RIMS2: variants seen among roughly 807,000 people sequenced by gnomAD.
RIMS2 encodes regulating synaptic membrane exocytosis protein 2.
In RIMS2, 59 loss-of-function variants were observed where a neutral mutation model predicts 174.4. The observed-to-expected ratio is 0.34, with a 90% confidence interval of 0.27 to 0.42. The LOEUF (loss-of-function observed/expected upper bound fraction) is 0.42. RIMS2 is among the 10% of genes least tolerant of loss of function. The pLI is 1.00. For synonymous variants in RIMS2, 606 were observed against 572.5 expected (o/e 1.06, Z -0.84); for missense variants, 1,620 against 1,666.3 (o/e 0.97, Z 0.48).
chr8:103,581,079 A>G (rs2093592608), intron 1 of RIMS2, among the ~76,000 whole-genome samples: 2 of 151,906 alleles, frequency 1.3e-5, no homozygotes. Context: ...CGGCCTCCCA[A>G]AGTTCTGGGA....
chr8:104,148,858 T>A lies in RIMS2; in HGVS notation c.3335-96058T>A. 1 of 1,594,496 alleles carries A rather than the reference T, an allele frequency of 6.3e-7. No homozygotes were observed. Among genetic ancestry groups the A allele is most frequent in the Non-Finnish European group, 8.5e-7 (1 of 1,176,844 alleles). ...CAGCTCAGCCAAACGGGTAGGAATT[T>A]CAATGTTACTTTTAACTTGATATTT... On this transcript the variant is annotated intron_variant, in intron 19 of 23. Coordinates refer to ENST00000504942, the Ensembl canonical transcript of RIMS2.
At chr8:103,709,845 G>A (rs1192226084) in intron 2 of RIMS2, among the ~76,000 whole-genome samples, 1 of 151,848 alleles carries the variant, frequency 6.6e-6, no homozygotes, top group Non-Finnish European at 1.5e-5. Context: ...TGATAGGGAT[G>A]GTTTATGGAA....
intron 19 of RIMS2, among the ~76,000 whole-genome samples, chr8:104,113,679 C>CAT (rs904874300): frequency 2.6e-5 from 4 of 151,540 alleles, no homozygotes; most frequent in African/African-American, 7.3e-5. Flanking sequence ...GGATTACATA[C>CAT]ATATATATAT....
In RIMS2 at chr8:103,790,003, C is replaced by A. The variant is rs60165474; in HGVS notation, c.698+23466C>A. ...TCTCAAACTCCTGAGCTCAAGTGATCCTCCTGCCTTGGCTTCCCAAAGTGG... is the reference window on the plus strand; with the variant it reads ...TCTCAAACTCCTGAGCTCAAGTGATACTCCTGCCTTGGCTTCCCAAAGTGG... On this transcript the variant is annotated intron_variant, in intron 3 of 23. Transcript: ENST00000504942. Among the ~76,000 whole-genome samples, 165 of 152,278 alleles carry A rather than the reference C, an allele frequency of 1.1e-3. 2 individuals carry two copies. The East Asian group carries it at 0.028, about 25-fold the overall frequency.
Position 104,057,966 on chromosome 8 carries a change from C to T in RIMS2, c.3334+43351C>T, listed in dbSNP as rs545925360. On this transcript the variant is annotated intron_variant, in intron 19 of 23. Coordinates refer to ENST00000504942, the Ensembl canonical transcript of RIMS2. ...GCCACATTTTTTTAATCCAGTCTAT[C>T]GTTGTTGGACATTTGGGTTGGTTCC... Among the ~76,000 whole-genome samples, 27 of 152,092 alleles carry T rather than the reference C, an allele frequency of 1.8e-4. No homozygotes were observed. In the South Asian group the frequency reaches 4.4e-3, roughly 25 times the overall value.
At chr8:103,782,432 C>CTGTGTG (rs2098400543) in intron 3 of RIMS2, among the ~76,000 whole-genome samples, 2 of 129,170 alleles carry the variant, frequency 1.5e-5, no homozygotes, top group African/African-American at 6.4e-5. Flanking sequence ...TACATAAATC[C>CTGTGTG]CGTGTGTGTG....
intron 2 of RIMS2, among the ~76,000 whole-genome samples, chr8:103,760,633 G>A (rs2098100694): frequency 6.6e-6 from 1 of 152,194 alleles, no homozygotes; most frequent in Admixed American, 6.5e-5. Flanking sequence ...ACCTATTGTA[G>A]ATCTCTGCAT....
Position 103,528,974 on chromosome 8 carries a change from A to G in RIMS2, c.176+27912A>G, listed in dbSNP as rs182688583. Among the ~76,000 whole-genome samples, 14 of 152,290 alleles carry G rather than the reference A, an allele frequency of 9.2e-5. No individual in the cohort carries two copies. The East Asian group carries it at 1.4e-3, about 15-fold the overall frequency. On this transcript the variant is annotated intron_variant, in intron 1 of 23. Transcript: ENST00000504942. ...GGGGATGGCATTGAATCTATAAATT[A>G]CCTTGGGCAGTATGGCCAGTTTCAC...
At chr8:104,091,905 T>C (rs1395293849) in intron 19 of RIMS2, among the ~76,000 whole-genome samples, 1 of 151,692 alleles carries the variant, frequency 6.6e-6, no homozygotes, top group Non-Finnish European at 1.5e-5. Flanking sequence ...GCAGCAATTT[T>C]TAGAAGAATT....
intron 1 of RIMS2, among the ~76,000 whole-genome samples, chr8:103,682,656 C>T (rs2096894286): frequency 6.6e-6 from 1 of 152,046 alleles, no homozygotes; most frequent in Non-Finnish European, 1.5e-5. Flanking sequence ...GCCCATATAC[C>T]ACCACCTCTT....
intron 3 of RIMS2, among the ~76,000 whole-genome samples, chr8:103,827,980 C>T (rs1202109311): frequency 6.6e-6 from 1 of 151,586 alleles, no homozygotes; most frequent in African/African-American, 2.4e-5. Flanking sequence ...TTCCTGATTC[C>T]ATAATAATGC....
At chr8:104,140,712 C>T (rs1312790370) in intron 19 of RIMS2, among the ~76,000 whole-genome samples, 1 of 152,186 alleles carries the variant, frequency 6.6e-6, no homozygotes, top group East Asian at 1.9e-4. Flanking sequence ...TCAGCCCCCA[C>T]TTGCTGCCTT....
At chr8:104,142,510 T>C (rs572781518) in intron 19 of RIMS2, among the ~76,000 whole-genome samples, 20 of 152,128 alleles carry the variant, frequency 1.3e-4, no homozygotes, top group African/African-American at 4.8e-4. Context: ...AAGAAACAAA[T>C]CATGTTTTTA....
At chr8:103,732,168 C>T (rs2138939650) in intron 2 of RIMS2, among the ~76,000 whole-genome samples, 2 of 152,338 alleles carry the variant, frequency 1.3e-5, no homozygotes, top group South Asian at 4.1e-4. Flanking sequence ...GTACCCCCAG[C>T]CCATTAATGC....
At chr8:104,112,906 G>A (rs2098215140) in intron 19 of RIMS2, among the ~76,000 whole-genome samples, 1 of 152,084 alleles carries the variant, frequency 6.6e-6, no homozygotes, top group Non-Finnish European at 1.5e-5. Flanking sequence ...AAATGAGAAA[G>A]ATAATTCTAA....
chr8:104,006,657 T>TCC (rs1393717034), intron 17 of RIMS2, among the ~76,000 whole-genome samples: 5 of 151,574 alleles, frequency 3.3e-5, no homozygotes, highest in Admixed American at 3.3e-4. Context: ...TCTCTCTCTC[T>TCC]CTCTCTCTCT....
chr8:104,092,334 G>A (rs1232986673), intron 19 of RIMS2, among the ~76,000 whole-genome samples: 2 of 151,724 alleles, frequency 1.3e-5, no homozygotes, highest in African/African-American at 4.8e-5. Context: ...AAATTTGCTA[G>A]TATCTGTGAT....
intron 15 of RIMS2, among the ~76,000 whole-genome samples, chr8:103,962,474 G>A (rs1433909233): frequency 6.6e-6 from 1 of 152,064 alleles, no homozygotes; most frequent in Non-Finnish European, 1.5e-5. Context: ...TTATTATTTT[G>A]CCAGTCAGAA....
intron 3 of RIMS2, among the ~76,000 whole-genome samples, chr8:103,797,070 G>A (rs2098554844): frequency 6.6e-6 from 1 of 152,154 alleles, no homozygotes; most frequent in Non-Finnish European, 1.5e-5. Context: ...AGGAAGTGAA[G>A]AAGTAAGACG....
Sources: allele counts gnomAD v4.1 joint callset (sites outside exome capture counted in the v4.1 genomes callset), GRCh38; gene constraint gnomAD v4.1.1; transcripts MANE v1.5; gene names NCBI Gene and HGNC (gene_info 2026-07-23, HGNC 2026-07-21).